NLGN4Y: variants seen among roughly 807,000 people sequenced by gnomAD.
NLGN4Y encodes the protein neuroligin-4, Y-linked.
Under a neutral mutation model 8.4 loss-of-function variants are expected in NLGN4Y, and 4 were observed. That is an observed-to-expected ratio of 0.48 (90% CI 0.23 to 1.09). The LOEUF is 1.09. Among genes scored for constraint, NLGN4Y ranks in the 50% least tolerant of loss-of-function variants. The pLI is 0.19. For synonymous variants in NLGN4Y, 35 were observed against 75.6 expected (o/e 0.46, Z 2.78); for missense variants, 90 against 192.3 (o/e 0.47, Z 3.15).
chrY:14,842,893 G>C lies in NLGN4Y; in HGVS notation c.*1631G>C. 8.2e-6 allele frequency: 1 copy of C among 121,627 alleles called. No homozygotes were observed. The highest frequency in any genetic ancestry group is 3.9e-5 in the South Asian group (1 of 25,679). 30.3% of individuals were successfully genotyped at this position (121,627 alleles called of 400,897 possible). A position where few individuals can be genotyped will look rare whatever the true frequency, so the allele number is the denominator to read the frequency against. On this transcript the variant is annotated 3_prime_UTR_variant, in exon 7 of 7. Transcript: ENST00000684976. Reference sequence around the variant, plus strand: ...TCAGGAAAGTTTGTAGTATTACAAGGCAGAAGGAAACACAGTAGCAATGGT... The same window carrying C: ...TCAGGAAAGTTTGTAGTATTACAAGCCAGAAGGAAACACAGTAGCAATGGT...
chrY:14,713,545 C>G, intron 2 of NLGN4Y, among the ~76,000 whole-genome samples: 1 of 33,698 alleles, frequency 3.0e-5, no homozygotes, highest in East Asian at 7.8e-4. Context: ...CAATGAGGTT[C>G]AAATGATTCT....
chrY:14,562,162 G>C (rs957576148), intron 1 of NLGN4Y, among the ~76,000 whole-genome samples: 6 of 33,481 alleles, frequency 1.8e-4, no homozygotes, highest in Non-Finnish European at 3.7e-4. Context: ...GTCCTGAATG[G>C]TATTGCCCAG....
chrY:14,654,344 G>C, intron 2 of NLGN4Y, among the ~76,000 whole-genome samples: 1 of 32,426 alleles, frequency 3.1e-5, no homozygotes, highest in Non-Finnish European at 7.6e-5. Context: ...TCGTGTATCT[G>C]TTTGTTTTAA....
At chrY:14,639,540 A>G in intron 2 of NLGN4Y, 1 of 251,213 alleles carries the variant, frequency 4.0e-6, no homozygotes, top group Admixed American at 8.0e-5. Context: ...TAAGATTCCC[A>G]TTGGATTTAT....
At chrY:14,639,308 T>C in intron 2 of NLGN4Y, 1 of 186,952 alleles carries the variant, frequency 5.3e-6, no homozygotes, top group South Asian at 3.5e-5. Context: ...ATCCTGCAGC[T>C]TGCAAAGGCA....
intron 1 of NLGN4Y, among the ~76,000 whole-genome samples, chrY:14,558,964 G>T: frequency 3.0e-5 from 1 of 33,175 alleles, no homozygotes; most frequent in South Asian, 6.8e-4. Flanking sequence ...AGGATTCCCG[G>T]TTATAGACAG....
chrY:14,575,129 T>G, intron 1 of NLGN4Y, among the ~76,000 whole-genome samples: 1 of 33,140 alleles, frequency 3.0e-5, no homozygotes, highest in South Asian at 6.9e-4. Context: ...AATTTGAATA[T>G]TGGCCTGCCT....
chrY:14,532,817 C>A, intron 1 of NLGN4Y, among the ~76,000 whole-genome samples: 1 of 29,555 alleles, frequency 3.4e-5, no homozygotes, highest in Non-Finnish European at 8.2e-5. Flanking sequence ...TCCCTCCTTC[C>A]TTCTTTTTCT....
chrY:14,559,070 T>C, intron 1 of NLGN4Y, among the ~76,000 whole-genome samples: 5 of 33,028 alleles, frequency 1.5e-4, no homozygotes, highest in Admixed American at 1.1e-3. Context: ...AGAAAAGGTG[T>C]TGTGGAGACC....
At chrY:14,558,092 ACTC>A (rs2080215222) in intron 1 of NLGN4Y, among the ~76,000 whole-genome samples, 1 of 32,740 alleles carries the variant, frequency 3.1e-5, no homozygotes, top group Non-Finnish European at 7.5e-5. Context: ...CCCATTCACT[ACTC>A]CACCCAACAT....
At chrY:14,597,120 A>G (rs1019164931) in intron 1 of NLGN4Y, among the ~76,000 whole-genome samples, 1 of 30,893 alleles carries the variant, frequency 3.2e-5, no homozygotes, top group Admixed American at 3.0e-4. Context: ...GTGAAGCTGC[A>G]GACCTTCGCA....
intron 2 of NLGN4Y, among the ~76,000 whole-genome samples, chrY:14,623,376 C>A (rs1008919171): frequency 3.0e-5 from 1 of 33,733 alleles, no homozygotes; most frequent in Non-Finnish European, 7.4e-5. Flanking sequence ...CGAAGAATAA[C>A]CAAAGTTATG....
intron 4 of NLGN4Y, among the ~76,000 whole-genome samples, chrY:14,795,308 AT>A (rs2043002436): frequency 3.1e-5 from 1 of 32,606 alleles, no homozygotes; most frequent in African/African-American, 1.2e-4. Flanking sequence ...ATTAGAGGTA[AT>A]TTTTTTTTCA....
intron 1 of NLGN4Y, among the ~76,000 whole-genome samples, chrY:14,529,758 C>G (rs753111321): frequency 2.5e-4 from 8 of 31,972 alleles, no homozygotes; most frequent in Non-Finnish European, 4.5e-4. Context: ...TAACTGTTTT[C>G]CTAAGTGAGA....
At chrY:14,584,883 T>C (rs2080333702) in intron 1 of NLGN4Y, among the ~76,000 whole-genome samples, 4 of 32,517 alleles carry the variant, frequency 1.2e-4, no homozygotes, top group Non-Finnish European at 2.2e-4. Context: ...GGTGAGAAGA[T>C]CTCTTGAGGC....
At chrY:14,821,989 A>G (rs2043124948) in intron 4 of NLGN4Y, among the ~76,000 whole-genome samples, 1 of 33,966 alleles carries the variant, frequency 2.9e-5, no homozygotes, top group Non-Finnish European at 7.3e-5. Flanking sequence ...TTTCACTGTC[A>G]TAATTTTCTC....
intron 1 of NLGN4Y, among the ~76,000 whole-genome samples, chrY:14,547,145 C>G: frequency 5.9e-5 from 2 of 33,739 alleles, no homozygotes; most frequent in African/African-American, 2.3e-4. Context: ...CTCAGGATCT[C>G]TCATCATTTT....
At chrY:14,791,984 G>A in intron 4 of NLGN4Y, among the ~76,000 whole-genome samples, 1 of 33,742 alleles carries the variant, frequency 3.0e-5, no homozygotes, top group African/African-American at 1.2e-4. Context: ...AAAAAAAGAT[G>A]CAACCATTTG....
At chrY:14,567,782 C>A in intron 1 of NLGN4Y, among the ~76,000 whole-genome samples, 1 of 31,597 alleles carries the variant, frequency 3.2e-5, no homozygotes, top group East Asian at 8.4e-4. Context: ...AGCAATCTGC[C>A]CACCTTAGCC....
Sources: gnomAD v4.1 joint callset for allele counts (sites outside exome capture counted in the v4.1 genomes callset) on GRCh38, gnomAD v4.1.1 for gene constraint, MANE v1.5 for transcripts, NCBI Gene and HGNC (gene_info 2026-07-23, HGNC 2026-07-21) for gene names.